Variants in PRH1 observed in about 807,000 individuals in gnomAD.
PRH1 encodes the protein salivary acidic proline-rich phosphoprotein 1/2.
PRH1 carries 7 observed loss-of-function variants against 7.9 expected under a neutral mutation model. That is an observed-to-expected ratio of 0.89 (90% CI 0.50 to 1.67). The LOEUF is 1.67. Ranked by LOEUF, PRH1 falls within the 40% of genes most tolerant of loss-of-function variation. The pLI is 0.00. For missense variants in PRH1, 109 were observed against 223.6 expected (o/e 0.49, Z 3.27); for synonymous variants, 45 against 80.8 (o/e 0.56, Z 2.38).
intron 1 of PRH1, among the ~76,000 whole-genome samples, chr12:11,027,533 A>G (rs944059097): frequency 1.3e-5 from 2 of 152,238 alleles, no homozygotes; most frequent in South Asian, 2.1e-4. Flanking sequence ...AAGAGACACA[A>G]TGTTTTGGGG....
At chr12:10,981,252 C>T (rs983308390) in intron 1 of PRH1, among the ~76,000 whole-genome samples, 1 of 152,028 alleles carries the variant, frequency 6.6e-6, no homozygotes, top group Non-Finnish European at 1.5e-5. Context: ...GAACAGAACA[C>T]ACGTCCATAT....
intron 1 of PRH1, among the ~76,000 whole-genome samples, chr12:11,018,353 C>G (rs1397341566): frequency 6.6e-6 from 1 of 152,224 alleles, no homozygotes; most frequent in Non-Finnish European, 1.5e-5. Flanking sequence ...AAACCAGCCA[C>G]AGTTGGAGGG....
chr12:11,006,124 A>G (rs1027556216), intron 1 of PRH1: 2 of 152,004 alleles, frequency 1.3e-5, no homozygotes, highest in African/African-American at 4.8e-5. Context: ...TTTCTGCTTC[A>G]TATACCGACG....
chr12:11,078,702 G>A (rs1345570805), intron 1 of PRH1: 4 of 151,828 alleles, frequency 2.6e-5, no homozygotes, highest in African/African-American at 9.7e-5. Flanking sequence ...TACAGTAAAT[G>A]TCTAAATTGT....
At chr12:11,063,297 G>A (rs1386513136) in intron 1 of PRH1, among the ~76,000 whole-genome samples, 1 of 152,038 alleles carries the variant, frequency 6.6e-6, no homozygotes, top group Non-Finnish European at 1.5e-5. Flanking sequence ...CATTTAACTT[G>A]CTTTGATAAA....
downstream of PRH1, among the ~76,000 whole-genome samples, chr12:11,116,941 T>A (rs1004002703): frequency 6.6e-5 from 10 of 151,842 alleles, no homozygotes; most frequent in Non-Finnish European, 1.5e-4. Context: ...AAAAATCACA[T>A]AAAAAGACCC....
chr12:10,943,787 T>C (rs1950441634), intron 2 of PRH1, among the ~76,000 whole-genome samples: 3 of 152,190 alleles, frequency 2.0e-5, no homozygotes, highest in African/African-American at 7.2e-5. Context: ...CTTCTGCAGA[T>C]AGCTAGCCAG....
At chr12:11,160,992 G>C (rs1463358374) in intron 1 of PRH1, among the ~76,000 whole-genome samples, 1 of 152,030 alleles carries the variant, frequency 6.6e-6, no homozygotes, top group Non-Finnish European at 1.5e-5. Flanking sequence ...TAAGCATATA[G>C]ACTATATTTC....
In PRH1 at chr12:11,077,778, T is replaced by C; in HGVS notation, n.124-30590A>G. On this transcript the variant is annotated intron_variant and non_coding_transcript_variant, in intron 1 of 4. Transcript: ENST00000541977. ...AAGTCACATTTCCTTCATATTCTTT[T>C]GTCCACACACTGTCATCCATGGTTA... 4 of 1,190,594 alleles carry C rather than the reference T, an allele frequency of 3.4e-6. 1 individual carries two copies. Among genetic ancestry groups the C allele is most frequent in the South Asian group, 2.3e-5 (2 of 85,522 alleles). 73.8% of individuals were successfully genotyped at this position (1,190,594 alleles called of 1,614,324 possible). A position where few individuals can be genotyped will look rare whatever the true frequency, so the allele number is the denominator to read the frequency against.
At position 11,062,407 on chromosome 12, in the gene PRH1, G is replaced by A. The variant is rs867886610; in HGVS notation, n.124-15219C>T. On this transcript the variant is annotated intron_variant and non_coding_transcript_variant, in intron 1 of 4. Transcript: ENST00000541977. ...TGCACCTGATTTGTGTATGTGCTGTGACATTCTTTTTACTTTTAATTGCTG... is the reference window on the plus strand; with the variant it reads ...TGCACCTGATTTGTGTATGTGCTGTAACATTCTTTTTACTTTTAATTGCTG... 87 of 1,285,280 alleles carry A rather than the reference G, an allele frequency of 6.8e-5. 5 individuals are homozygous for A. In the South Asian group the frequency reaches 1.3e-3, roughly 19 times the overall value. 79.6% of individuals were successfully genotyped at this position (1,285,280 alleles called of 1,614,324 possible).
At chr12:10,945,058 T>G (rs1325548711) in intron 2 of PRH1, among the ~76,000 whole-genome samples, 1 of 152,196 alleles carries the variant, frequency 6.6e-6, no homozygotes, top group Non-Finnish European at 1.5e-5. Flanking sequence ...GGTATCAAGA[T>G]GATGCTGGCC....
intron 2 of PRH1, among the ~76,000 whole-genome samples, chr12:10,954,151 C>G (rs1288485289): frequency 6.6e-6 from 1 of 152,058 alleles, no homozygotes; most frequent in Non-Finnish European, 1.5e-5. Context: ...TCAGCCATAA[C>G]AAAATCACAC....
At chr12:11,048,780 T>G (rs73260727), upstream of PRH1, 1,532 of 298,792 alleles carry the variant, frequency 5.1e-3, 17 homozygotes, top group African/African-American at 0.031. Context: ...ACAAATTTCC[T>G]TCATATTCTT....
intron 2 of PRH1, among the ~76,000 whole-genome samples, chr12:10,903,948 A>AAAAAAAC (rs1949763752): frequency 6.8e-6 from 1 of 146,930 alleles, no homozygotes; most frequent in Non-Finnish European, 1.5e-5. Flanking sequence ...AAAAAAAAAA[A>AAAAAAAC]AAAAAACAAC....
intron 1 of PRH1, among the ~76,000 whole-genome samples, chr12:11,138,988 C>T (rs969742626): frequency 1.3e-5 from 2 of 152,092 alleles, no homozygotes; most frequent in Admixed American, 6.6e-5. Context: ...TGCATTGAGC[C>T]GCGATTGCAC....
At chr12:10,889,220 C>A (rs866033441), upstream of PRH1, among the ~76,000 whole-genome samples, 4 of 152,062 alleles carry the variant, frequency 2.6e-5, no homozygotes, top group African/African-American at 4.8e-5. Context: ...TCCTAGGTTT[C>A]TAGCTTTTCT....
At chr12:10,890,131 C>A (rs1220767935) in intron 2 of PRH1, among the ~76,000 whole-genome samples, 1 of 152,002 alleles carries the variant, frequency 6.6e-6, no homozygotes, top group Non-Finnish European at 1.5e-5. Flanking sequence ...CACAAAAAGC[C>A]CAATAAGGGT....
At chr12:11,162,511 A>G (rs1342221750) in intron 1 of PRH1, among the ~76,000 whole-genome samples, 1 of 152,236 alleles carries the variant, frequency 6.6e-6, no homozygotes, top group Non-Finnish European at 1.5e-5. Context: ...CTTTAAGCTG[A>G]TGTAACATAA....
At chr12:11,010,945 T>C (rs1163544475) in intron 1 of PRH1, among the ~76,000 whole-genome samples, 2 of 152,012 alleles carry the variant, frequency 1.3e-5, no homozygotes, top group Admixed American at 6.6e-5. Context: ...GTAATTATAC[T>C]ACACATATTT....
Sources: allele counts gnomAD v4.1 joint callset (sites outside exome capture counted in the v4.1 genomes callset), GRCh38; gene constraint gnomAD v4.1.1; transcripts MANE v1.5; gene names NCBI Gene and HGNC (gene_info 2026-07-23, HGNC 2026-07-21).